Variants in ELF5 observed in about 807,000 individuals in gnomAD.
ELF5 encodes the protein E74 like ETS transcription factor 5.
Under a neutral mutation model 38.2 loss-of-function variants are expected in ELF5, and 31 were observed. That is an observed-to-expected ratio of 0.81 (90% CI 0.61 to 1.10). ELF5 has a LOEUF of 1.10. Among genes scored for constraint, ELF5 ranks in the 50% least tolerant of loss-of-function variants. ELF5 has a pLI of 0.00. For missense variants in ELF5, 300 were observed against 306.6 expected (o/e 0.98, Z 0.16); for synonymous variants, 121 against 112.5 (o/e 1.08, Z -0.48).
chr11:34,511,428 C>A, intron 1 of ELF5: 7 of 1,403,724 alleles, frequency 5.0e-6, no homozygotes, highest in Non-Finnish European at 7.0e-6. Context: ...CAGTTTCCCC[C>A]AAATGTAGTC....
chr11:34,507,830 T>C (rs1590343561), intron 1 of ELF5, among the ~76,000 whole-genome samples: 1 of 152,242 alleles, frequency 6.6e-6, no homozygotes, highest in Non-Finnish European at 1.5e-5. Flanking sequence ...GTAAGTGTCT[T>C]GGGATATTAA....
At chr11:34,507,850 A>AT (rs1292388626) in intron 1 of ELF5, among the ~76,000 whole-genome samples, 1 of 152,200 alleles carries the variant, frequency 6.6e-6, no homozygotes, top group Non-Finnish European at 1.5e-5. Context: ...AACACATGGA[A>AT]TTTTAAGATT....
chr11:34,482,405 A>C, intron 5 of ELF5, 26 bp downstream of exon 5: 1 of 1,603,344 alleles, frequency 6.2e-7, no homozygotes, highest in Non-Finnish European at 8.5e-7. Flanking sequence ...AAGAAATTAG[A>C]ATGAAAACTG....
chr11:34,510,822 A>C (rs906162879), intron 1 of ELF5, among the ~76,000 whole-genome samples: 2 of 152,172 alleles, frequency 1.3e-5, no homozygotes, highest in African/African-American at 2.4e-5. Flanking sequence ...CCTTAGGAGA[A>C]GTGATAAAAA....
chr11:34,506,005 G>A (rs116919159), intron 1 of ELF5, among the ~76,000 whole-genome samples: 1,771 of 152,270 alleles, frequency 0.012, 19 homozygotes, highest in Non-Finnish European at 0.019. Flanking sequence ...GATATAACTA[G>A]AAAGTGGCAA....
At chr11:34,502,464 C>T (rs1375657985) in intron 2 of ELF5, among the ~76,000 whole-genome samples, 3 of 152,262 alleles carry the variant, frequency 2.0e-5, no homozygotes, top group Non-Finnish European at 4.4e-5. Context: ...AATGGCTGCA[C>T]CTCTCTGGGT....
chr11:34,501,785 G>A (rs1850477279), intron 2 of ELF5, among the ~76,000 whole-genome samples: 1 of 152,108 alleles, frequency 6.6e-6, no homozygotes, highest in South Asian at 2.1e-4. Flanking sequence ...CCACACCAGG[G>A]CACAGATTCA....
chr11:34,493,648 C>G lies in ELF5; in HGVS notation c.186G>C (p.Trp62Cys). Reference sequence around the variant, plus strand: ...TGTACTGGTCGCAGCAGAACTGGAGCCACTCCCACACATGGCGCTTAGTCC... The same window carrying G: ...TGTACTGGTCGCAGCAGAACTGGAGGCACTCCCACACATGGCGCTTAGTCC... The part of the protein sequence containing the change: ...EYWTKRHVWE[W>C]LQFCCDQYKL... The change falls in exon 3 of 7, where the codon TGG becomes TGC. Residue 62 changes from tryptophan to cysteine, a missense_variant. Transcript: ENST00000257832. 1 of 1,614,210 alleles carries G rather than the reference C, an allele frequency of 6.2e-7. No homozygotes were observed. Among genetic ancestry groups the G allele is most frequent in the African/African-American group, 1.3e-5 (1 of 75,050 alleles).
At chr11:34,510,574 T>G in intron 1 of ELF5, among the ~76,000 whole-genome samples, 1 of 152,154 alleles carries the variant, frequency 6.6e-6, no homozygotes, top group East Asian at 1.9e-4. Context: ...TTCTCAGAAG[T>G]AACACTGAGG....
chr11:34,511,550 G>A, intron 1 of ELF5: 1 of 1,614,222 alleles, frequency 6.2e-7, no homozygotes. Context: ...GTACCTGTGG[G>A]AGTGAGGCAG....
intron 4 of ELF5, among the ~76,000 whole-genome samples, chr11:34,484,585 T>C (rs1361883954): frequency 6.6e-6 from 1 of 152,054 alleles, no homozygotes; most frequent in Admixed American, 6.5e-5. Context: ...CACTGCTGAA[T>C]GAAGGAAGGG....
intron 4 of ELF5, 96 bp from the exon 5 acceptor site, chr11:34,482,595 T>C (rs987257717): frequency 3.0e-6 from 3 of 996,622 alleles, no homozygotes; most frequent in African/African-American, 3.3e-5. Flanking sequence ...TTGAATGCCT[T>C]TGTAGTAGAA....
intron 2 of ELF5, among the ~76,000 whole-genome samples, chr11:34,498,313 C>T (rs949367838): frequency 6.6e-6 from 1 of 152,046 alleles, no homozygotes; most frequent in Non-Finnish European, 1.5e-5. Flanking sequence ...CTGGGCTTCC[C>T]GTGTCACCAC....
intron 1 of ELF5, among the ~76,000 whole-genome samples, 171 bp downstream of exon 1, chr11:34,513,506 G>A (rs1180105742): frequency 6.6e-6 from 1 of 152,262 alleles, no homozygotes; most frequent in Non-Finnish European, 1.5e-5. Flanking sequence ...GTCTCTCTGA[G>A]GCAAGCCGTC....
At chr11:34,507,694 T>C (rs1850643023) in intron 1 of ELF5, among the ~76,000 whole-genome samples, 1 of 152,242 alleles carries the variant, frequency 6.6e-6, no homozygotes, top group Non-Finnish European at 1.5e-5. Context: ...TAATAATCTG[T>C]GTTTGGTGGA....
chr11:34,483,733 T>C (rs953724390), intron 4 of ELF5, among the ~76,000 whole-genome samples: 2 of 151,888 alleles, frequency 1.3e-5, no homozygotes, highest in Non-Finnish European at 1.5e-5. Flanking sequence ...TACTGTACTA[T>C]ACTATACTAC....
intron 1 of ELF5, among the ~76,000 whole-genome samples, chr11:34,509,415 G>A (rs372268621): frequency 2.6e-4 from 39 of 152,184 alleles, no homozygotes; most frequent in African/African-American, 9.2e-4. Context: ...TGACACTTAG[G>A]CACCTTTTCT....
At chr11:34,510,083 A>G (rs934085058) in intron 1 of ELF5, among the ~76,000 whole-genome samples, 1 of 152,124 alleles carries the variant, frequency 6.6e-6, no homozygotes, top group African/African-American at 2.4e-5. Context: ...TACCTCTTTT[A>G]ATATTGTTAT....
Position 34,480,771 on chromosome 11 carries a change from C to G in ELF5, c.671+1G>C. 6.2e-7 allele frequency: 1 copy of G among 1,613,798 alleles called. No individual in the cohort carries two copies. The highest frequency in any genetic ancestry group is 2.2e-5 in the East Asian group (1 of 44,852). ...CATAGTATTTTATGCTATTAACTTA[C>G]CTCAGGGCTCTGCTCAACTTTTCAT... On this transcript the variant is annotated splice_donor_variant, in intron 6 of 6. Transcript: ENST00000257832. LOFTEE classifies it high-confidence loss of function.
Sources: allele counts gnomAD v4.1 joint callset (sites outside exome capture counted in the v4.1 genomes callset), GRCh38; gene constraint gnomAD v4.1.1; transcripts MANE v1.5; gene names NCBI Gene and HGNC (gene_info 2026-07-23, HGNC 2026-07-21).